AOC2: variants seen among roughly 807,000 people sequenced by gnomAD.
AOC2 encodes amine oxidase copper containing 2, also known as amine oxidase [copper-containing] 2.
In AOC2, 57 loss-of-function variants were observed where a neutral mutation model predicts 53.8. The ratio of observed to expected loss-of-function variants is 1.06; its 90% CI spans 0.86 to 1.32. The LOEUF (loss-of-function observed/expected upper bound fraction) is 1.32. AOC2 is among the 40% of genes most tolerant of loss of function. The pLI is 0.00. For synonymous variants in AOC2, 404 were observed against 399.0 expected (o/e 1.01, Z -0.15); for missense variants, 1,008 against 957.2 (o/e 1.05, Z -0.70).
At position 42,849,355 on chromosome 17, in the gene AOC2, G is replaced by A. The variant is rs2055627476; in HGVS notation, c.1858G>A (p.Ala620Thr). Residue 620 changes from alanine to threonine, a missense_variant, in exon 2 of 4, where the codon GCC (alanine) becomes ACC (threonine). By Grantham distance (58) the Ala-to-Thr change is moderately conservative (BLOSUM62 0). Coordinates refer to ENST00000253799, the MANE Select transcript of AOC2 (RefSeq NM_009590.4). ...ACCCCTGGAGAGTGACATGGAGAGG[G>A]CCCTCAGCTGGGGGAGGTGAGGAGG... ...HIPLESDMER[A>T]LSWGRYQLVV... 6.2e-7 allele frequency: 1 copy of A among 1,611,712 alleles called. No individual in the cohort carries two copies. Among genetic ancestry groups the A allele is most frequent in the Non-Finnish European group, 8.5e-7 (1 of 1,178,156 alleles).
At chr17:42,848,524 A>AATATATATATATATATATATACATATAT (rs966225347) in intron 1 of AOC2, among the ~76,000 whole-genome samples, 1 of 131,286 alleles carries the variant, frequency 7.6e-6, no homozygotes, top group Admixed American at 7.6e-5. Context: ...AGAGGAACTG[A>AATATATATATATATATATATACATATAT]ATATATATAT....
chr17:42,848,546 C>CATATAT (rs200422278), intron 1 of AOC2, among the ~76,000 whole-genome samples: 49 of 117,596 alleles, frequency 4.2e-4, no homozygotes, highest in Middle Eastern at 4.3e-3. Context: ...TATATATATA[C>CATATAT]ATATATATAT....
intron 1 of AOC2, among the ~76,000 whole-genome samples, chr17:42,847,395 C>T (rs2055607465): frequency 6.6e-6 from 1 of 152,186 alleles, no homozygotes; most frequent in Admixed American, 6.5e-5. Context: ...TGCCAGGTAC[C>T]TTCATATAGG....
chr17:42,849,293 A>G lies in AOC2; in HGVS notation c.1796A>G (p.Tyr599Cys). 1.2e-6 allele frequency: 2 copies of G among 1,614,150 alleles called. No homozygotes were observed. Among genetic ancestry groups the G allele is most frequent in the Non-Finnish European group, 1.7e-6 (2 of 1,180,016 alleles). The stretch of plus-strand genomic sequence containing the variant: ...AATGCGTGGGGTCACCAGCGCGGGT[A>G]CCGAATCCAGATCCACAGCCCCCTT... ...QTNAWGHQRG[Y>C]RIQIHSPLGI... The change falls in exon 2 of 4, where the codon TAC (tyrosine) becomes TGC (cysteine). Residue 599 changes from tyrosine to cysteine, a missense_variant. By Grantham distance (194) the Tyr-to-Cys change is radical. Coordinates refer to ENST00000253799, the MANE Select transcript of AOC2 (RefSeq NM_009590.4).
At position 42,849,952 on chromosome 17, in the gene AOC2, C is replaced by T. The variant is rs2055636945; in HGVS notation, c.2005-130C>T. The T allele has an allele frequency of 8.8e-6, 12 of 1,361,548 alleles. No homozygotes were observed. In the South Asian group the frequency reaches 1.1e-4, roughly 12 times the overall value. The allele number at this position is 1,361,548 out of a possible 1,614,324, so 84.3% of individuals were successfully genotyped here. A position where few individuals can be genotyped will look rare whatever the true frequency, so the allele number is the denominator to read the frequency against. On this transcript the variant is annotated intron_variant, in intron 3 of 3. Transcript: ENST00000253799. ...CGCACAGCTGCTTACATGGATTGCT[C>T]CACGTGTTGTATGGGCATGAGGCTG...
At position 42,850,451 on chromosome 17, in the gene AOC2, C is replaced by T. The variant is rs555189786; in HGVS notation, c.*103C>T. ...TCACACCTGCTCCCCAGATTCCCAC[C>T]CCCTCAATGTTCCTCTCACACGAAA... On this transcript the variant is annotated 3_prime_UTR_variant, in exon 4 of 4. Coordinates refer to ENST00000253799, the MANE Select transcript of AOC2 (RefSeq NM_009590.4). The T allele has an allele frequency of 1.6e-5, 22 of 1,392,668 alleles. No individual in the cohort carries two copies. In the South Asian group the frequency reaches 2.9e-4, roughly 18 times the overall value. The allele number at this position is 1,392,668 out of a possible 1,614,324, so 86.3% of individuals were successfully genotyped here.
Position 42,845,562 on chromosome 17 carries a change from C to G in AOC2, c.936C>G (p.Pro312=). The change falls in exon 1 of 4, where the codon CCC becomes CCG. Residue 312 remains proline (P), a synonymous_variant. Coordinates refer to ENST00000253799, the MANE Select transcript of AOC2 (RefSeq NM_009590.4). ...PGPLPPLQFS[P]QGSQYSVQGN... ...CTCTTCCCCCTCTTCAGTTCTCGCC[C>G]CAGGGTTCCCAGTACAGTGTGCAAG... The G allele has an allele frequency of 6.2e-7, 1 of 1,614,196 alleles. No homozygotes were observed. Among genetic ancestry groups the G allele is most frequent in the Non-Finnish European group, 8.5e-7 (1 of 1,180,028 alleles).
In AOC2 at chr17:42,845,442, A is replaced by G. The variant is rs75562463; in HGVS notation, c.816A>G (p.Glu272=). The G allele has an allele frequency of 6.3e-4, 1,024 of 1,614,154 alleles. 14 individuals carry two copies. The East Asian group carries it at 0.017, about 27-fold the overall frequency. The change falls in exon 1 of 4, where the codon GAA becomes GAG. Residue 272 remains glutamate (E), a synonymous_variant. Transcript: ENST00000253799. The stretch of plus-strand genomic sequence containing the variant: ...ACTATGCAGACTTGGGCCAGTTGGA[A>G]CGGGAGTTTAAGTCTGGCCGGTTGG... ...GHYYADLGQL[E]REFKSGRLEV...
Position 42,845,956 on chromosome 17 carries a change from C to A in AOC2, c.1330C>A (p.His444Asn). Residue 444 changes from histidine to asparagine, a missense_variant, in exon 1 of 4, where the codon CAT becomes AAT. Coordinates refer to ENST00000253799, the MANE Select transcript of AOC2 (RefSeq NM_009590.4). Reference sequence around the variant, plus strand: ...AAGGCACCACAATTACCTTCAAAATCATTTCTATGGTGGTTTGGCCAGCTC... The same window carrying A: ...AAGGCACCACAATTACCTTCAAAATAATTTCTATGGTGGTTTGGCCAGCTC... The part of the protein sequence containing the change: ...LRRHHNYLQN[H>N]FYGGLASSAL... 1.9e-6 allele frequency: 3 copies of A among 1,614,206 alleles called. No homozygotes were observed. The highest frequency in any genetic ancestry group is 2.5e-6 in the Non-Finnish European group (3 of 1,180,046).
chr17:42,845,716 T>C lies in AOC2; in HGVS notation c.1090T>C (p.Ser364Pro), dbSNP rs1446839742. The change falls in exon 1 of 4, where the codon TCT becomes CCT. Residue 364 changes from serine (S) to proline (P), a missense_variant. Coordinates refer to ENST00000253799, the MANE Select transcript of AOC2 (RefSeq NM_009590.4). ...TGAAGTCAGTGTCCAGGAGTGTGTA[T>C]CTATCTATGGTGCCGATTCACCCAA... ...AYEVSVQECVSIYGADSPKTM... is the reference protein window; with the variant it reads ...AYEVSVQECVPIYGADSPKTM... 1 of 1,614,052 alleles carries C rather than the reference T, an allele frequency of 6.2e-7. No individual in the cohort carries two copies. Among genetic ancestry groups the C allele is most frequent in the Non-Finnish European group, 8.5e-7 (1 of 1,179,966 alleles).
chr17:42,845,899 G>T lies in AOC2; in HGVS notation c.1273G>T (p.Val425Leu). The T allele has an allele frequency of 6.2e-7, 1 of 1,614,132 alleles. No homozygotes were observed. Among genetic ancestry groups the T allele is most frequent in the Non-Finnish European group, 8.5e-7 (1 of 1,180,004 alleles). The change falls in exon 1 of 4, where the codon GTA becomes TTA. Residue 425 changes from valine (V) to leucine (L), a missense_variant. Coordinates refer to ENST00000253799, the MANE Select transcript of AOC2 (RefSeq NM_009590.4). ...CCAGCTGCTTCCAGGGGCTGTGTGT[G>T]TATTTGAGGAAGCCCAGGGACTGCC... ...AVQLLPGAVC[V>L]FEEAQGLPLR...
rs772138172 is a variant in AOC2, at chr17:42,849,626, AAGG to A, written c.1909_1911del (p.Glu637del). On this transcript the variant is annotated inframe_deletion, in exon 3 of 4. Transcript: ENST00000253799. Reference sequence around the variant, plus strand: ...ATACCAGCTTGTGGTGACCCAGAGAAAGGAGGAGGAGTCACAGAGCAGTAGCAT... The same window carrying A: ...ATACCAGCTTGTGGTGACCCAGAGAAAGGAGGAGTCACAGAGCAGTAGCAT... The A allele has an allele frequency of 6.2e-6, 10 of 1,614,110 alleles. No homozygotes were observed. In the Admixed American group the frequency reaches 6.7e-5, roughly 11 times the overall value.
At chr17:42,849,533 A>G (rs775090287) in intron 2 of AOC2, 68 bp from the exon 3 acceptor site, 16 of 1,611,872 alleles carry the variant, frequency 9.9e-6, no homozygotes, top group Non-Finnish European at 1.4e-5. Flanking sequence ...AATCGGATCT[A>G]AGGGACTCCT....
At chr17:42,847,617 A>AG (rs2055608892) in intron 1 of AOC2, among the ~76,000 whole-genome samples, 1 of 152,018 alleles carries the variant, frequency 6.6e-6, no homozygotes, top group African/African-American at 2.4e-5. Context: ...GACCATGGGA[A>AG]GGGATTGGGT....
At chr17:42,846,514 T>G (rs898495870) in intron 1 of AOC2, among the ~76,000 whole-genome samples, 7 of 152,126 alleles carry the variant, frequency 4.6e-5, no homozygotes, top group African/African-American at 1.4e-4. Flanking sequence ...TGCCTTAGCC[T>G]CAAGTGACAC....
Position 42,850,546 on chromosome 17 carries a change from T to A in AOC2, c.*198T>A, listed in dbSNP as rs1310046926. ...TAAAGTGTTAAATTATAAAAATGAT[T>A]TTTAAATATTCAAAGAAAAATATCA... On this transcript the variant is annotated 3_prime_UTR_variant, in exon 4 of 4. Transcript: ENST00000253799. 3.7e-6 allele frequency: 2 copies of A among 543,218 alleles called. No homozygotes were observed. Among genetic ancestry groups the A allele is most frequent in the Non-Finnish European group, 2.9e-6 (1 of 339,454 alleles). The allele number at this position is 543,218 out of a possible 1,614,324, so 33.6% of individuals were successfully genotyped here. A position where few individuals can be genotyped will look rare whatever the true frequency, so the allele number is the denominator to read the frequency against.
chr17:42,849,271 G>A lies in AOC2; in HGVS notation c.1774G>A (p.Ala592Thr), dbSNP rs141077339. Residue 592 changes from alanine (A) to threonine (T), a missense_variant, in exon 2 of 4, where the codon GCG becomes ACG. Physicochemically the swap from Ala to Thr is moderately conservative, Grantham distance 58. Transcript: ENST00000253799. The part of the protein sequence containing the change: ...YLYLASNQTN[A>T]WGHQRGYRIQ... ...CTACCTGGCTAGCAACCAGACTAAT[G>A]CGTGGGGTCACCAGCGCGGGTACCG... is the stretch of plus-strand genomic sequence containing the variant. 9.3e-6 allele frequency: 15 copies of A among 1,614,184 alleles called. No individual in the cohort carries two copies. The East Asian group carries it at 3.3e-4, about 36-fold the overall frequency.
chr17:42,850,370 C>A lies in AOC2; in HGVS notation c.*22C>A, dbSNP rs766919160. On this transcript the variant is annotated 3_prime_UTR_variant, in exon 4 of 4. Coordinates refer to ENST00000253799, the MANE Select transcript of AOC2 (RefSeq NM_009590.4). ...CTAGTCCTGAGGGTGTGGCGGGCGG[C>A]GTGGTTAGGCACATGTACTTTTCCC... The A allele has an allele frequency of 1.3e-6, 2 of 1,565,264 alleles. No homozygotes were observed. Among genetic ancestry groups the A allele is most frequent in the South Asian group, 1.2e-5 (1 of 86,002 alleles).
chr17:42,845,541 TC>T lies in AOC2; in HGVS notation c.920del (p.Pro307LeufsTer35). 1.2e-6 allele frequency: 2 copies of T among 1,614,174 alleles called. No homozygotes were observed. On this transcript the variant is annotated frameshift_variant, in exon 1 of 4. Transcript: ENST00000253799. LOFTEE classifies it high-confidence loss of function. ...GGTCTCGGAACTCTCCAGGTCCTCTTCCCCCTCTTCAGTTCTCGCCCCAGGG... is the reference window on the plus strand; with the variant it reads ...GGTCTCGGAACTCTCCAGGTCCTCTTCCCCTCTTCAGTTCTCGCCCCAGGG... ...LRSRNSPGPL[P>X]PLQFSPQGSQ...
Sources: allele counts gnomAD v4.1 joint callset (sites outside exome capture counted in the v4.1 genomes callset), GRCh38; gene constraint gnomAD v4.1.1; transcripts MANE v1.5; gene names NCBI Gene and HGNC (gene_info 2026-07-23, HGNC 2026-07-21).